The following RCL1 variants were observed in gnomAD, a reference collection of about 807,000 sequenced individuals.
The protein encoded by RCL1 is RNA 3'-terminal phosphate cyclase-like protein.
Under a neutral mutation model 42.4 loss-of-function variants are expected in RCL1, and 24 were observed. The ratio of observed to expected loss-of-function variants is 0.57; its 90% CI spans 0.41 to 0.80. RCL1 has a LOEUF of 0.80. RCL1 is among the 30% of genes least tolerant of loss of function. The probability of loss-of-function intolerance (pLI) is 0.00; values close to 1 mark genes in which losing one functional copy is unlikely to be tolerated. For synonymous variants in RCL1, 228 were observed against 177.3 expected, an observed-to-expected ratio of 1.29 and a Z score of -2.27; for missense variants, 578 against 467.9, an observed-to-expected ratio of 1.24 and a Z score of -2.17.
rs1175911431 is a variant in RCL1, at chr9:4,793,091, C to T, written c.-1C>T. The T allele has an allele frequency of 1.2e-6, 2 of 1,608,672 alleles. No homozygotes were observed. Among genetic ancestry groups the T allele is most frequent in the Admixed American group, 1.7e-5 (1 of 59,462 alleles). ...CTCACGTCTCTTCGGAGAGCGCGCA[C>T]ATGGCGACTCAGGCGCACTCCCTCA... On this transcript the variant is annotated 5_prime_UTR_variant, in exon 1 of 9. Transcript: ENST00000381750.
intron 1 of RCL1, among the ~76,000 whole-genome samples, chr9:4,811,296 A>G (rs1055133201): frequency 3.3e-5 from 5 of 151,268 alleles, no homozygotes; most frequent in Admixed American, 2.6e-4. Flanking sequence ...AAAAAAAAGG[A>G]AAAAAGAAAA....
chr9:4,802,494 CTACT>C (rs1382926610), intron 1 of RCL1, among the ~76,000 whole-genome samples: 6 of 152,134 alleles, frequency 3.9e-5, no homozygotes, highest in African/African-American at 1.4e-4. Context: ...ATCTGTCTCT[CTACT>C]TACTTAAATC....
chr9:4,834,406 T>C, intron 5 of RCL1, 141 bp downstream of exon 5: 2 of 876,174 alleles, frequency 2.3e-6, no homozygotes, highest in South Asian at 3.7e-5. Flanking sequence ...AGTGAAATTG[T>C]AATTGCTGGC....
chr9:4,839,511 T>C (rs6476915), intron 5 of RCL1: 91,784 of 199,576 alleles, frequency 0.46, 22,515 homozygotes, highest in East Asian at 0.76. Context: ...TGTGCTTTCC[T>C]GGGGACAGTG....
At chr9:4,852,128 G>A (rs969973474) in intron 8 of RCL1, among the ~76,000 whole-genome samples, 12 of 152,132 alleles carry the variant, frequency 7.9e-5, no homozygotes, top group Non-Finnish European at 1.6e-4. Flanking sequence ...TGGTCCACCC[G>A]CCTTGGCCTC....
At chr9:4,853,655 C>G (rs1330186861) in intron 8 of RCL1, among the ~76,000 whole-genome samples, 1 of 152,148 alleles carries the variant, frequency 6.6e-6, no homozygotes, top group African/African-American at 2.4e-5. Flanking sequence ...GCTGGGATTC[C>G]ATCCATATCG....
chr9:4,804,149 G>A (rs1843054964), intron 1 of RCL1: 1 of 152,736 alleles, frequency 6.5e-6, no homozygotes, highest in African/African-American at 2.4e-5. Context: ...GGCAGGAAGA[G>A]TGGGAAGTTG....
In RCL1 at chr9:4,826,979, G is replaced by A; in HGVS notation, c.330G>A (p.Lys110=). 1 of 1,614,152 alleles carries A rather than the reference G, an allele frequency of 6.2e-7. No homozygotes were observed. The highest frequency in any genetic ancestry group is 8.5e-7 in the Non-Finnish European group (1 of 1,180,032). The change falls in exon 3 of 9, where the codon AAG becomes AAA. Residue 110 remains lysine, a synonymous_variant. Transcript: ENST00000381750. ...TTCTTTGCTTGGCTCCATTTATGAA[G>A]CACCCGTTAAAAATAGTTCTACGAG... ...ESLLCLAPFM[K]HPLKIVLRGV... is the part of the protein sequence containing the mutation.
At chr9:4,828,399 T>C (rs2131006820) in intron 3 of RCL1, among the ~76,000 whole-genome samples, 1 of 152,272 alleles carries the variant, frequency 6.6e-6, no homozygotes, top group African/African-American at 2.4e-5. Flanking sequence ...TGTTAATATG[T>C]TCTTAGGCAA....
chr9:4,840,061 G>C (rs193018575), intron 5 of RCL1, among the ~76,000 whole-genome samples: 207 of 143,148 alleles, frequency 1.4e-3, no homozygotes, highest in African/African-American at 5.3e-3. Context: ...GATATGGGAG[G>C]ACCAGGAGCC....
chr9:4,836,425 T>G (rs577799568), intron 5 of RCL1, among the ~76,000 whole-genome samples: 1 of 152,264 alleles, frequency 6.6e-6, no homozygotes, highest in African/African-American at 2.4e-5. Context: ...GGCTTAAAGA[T>G]CAGATCTAGT....
intron 1 of RCL1, among the ~76,000 whole-genome samples, chr9:4,802,087 T>TAA (rs1563827587): frequency 4.0e-5 from 6 of 148,200 alleles, no homozygotes; most frequent in South Asian, 2.1e-4. Context: ...TTTTTTTTTT[T>TAA]TTTTTTTTTT....
intron 8 of RCL1, among the ~76,000 whole-genome samples, chr9:4,854,910 G>A (rs773318791): frequency 2.6e-5 from 4 of 151,952 alleles, no homozygotes; most frequent in African/African-American, 4.8e-5. Flanking sequence ...AAAATTAGCC[G>A]GGCGTGGTGG....
At chr9:4,839,677 C>T (rs1817248851) in intron 5 of RCL1, 2 of 985,222 alleles carry the variant, frequency 2.0e-6, no homozygotes, top group Non-Finnish European at 2.4e-6. Context: ...TCCCTCTTTG[C>T]TCTTTCCTCA....
At chr9:4,815,690 T>C (rs1225456967) in intron 1 of RCL1, among the ~76,000 whole-genome samples, 1 of 151,984 alleles carries the variant, frequency 6.6e-6, no homozygotes, top group African/African-American at 2.4e-5. Flanking sequence ...ACTCCAGCCA[T>C]AGTTCTAATT....
At chr9:4,816,877 C>T (rs765876519) in intron 1 of RCL1, among the ~76,000 whole-genome samples, 12 of 152,098 alleles carry the variant, frequency 7.9e-5, no homozygotes, top group East Asian at 1.9e-4. Flanking sequence ...AGTGCAGTGG[C>T]GCGATCTCGG....
chr9:4,794,071 T>C (rs1049400240), intron 1 of RCL1, among the ~76,000 whole-genome samples: 19 of 152,328 alleles, frequency 1.2e-4, no homozygotes, highest in Non-Finnish European at 2.4e-4. Context: ...CTGGTGGTTA[T>C]CCCAAGTTGG....
chr9:4,857,287 C>T (rs757417745), intron 8 of RCL1, among the ~76,000 whole-genome samples: 6 of 152,210 alleles, frequency 3.9e-5, no homozygotes, highest in Admixed American at 6.5e-5. Context: ...CAGGCAACCA[C>T]GAATCTCCTT....
At chr9:4,821,888 C>G (rs1816608412) in intron 1 of RCL1, among the ~76,000 whole-genome samples, 1 of 152,228 alleles carries the variant, frequency 6.6e-6, no homozygotes, top group African/African-American at 2.4e-5. Context: ...GCTTAATCAC[C>G]TTTTAGTGGT....
Sources: gnomAD v4.1 joint callset for allele counts (sites outside exome capture counted in the v4.1 genomes callset) on GRCh38, gnomAD v4.1.1 for gene constraint, MANE v1.5 for transcripts, NCBI Gene and HGNC (gene_info 2026-07-23, HGNC 2026-07-21) for gene names.